ATRX: variants seen among roughly 807,000 people sequenced by gnomAD.
ATRX encodes the protein ATRX chromatin remodeler.
In ATRX, 12 loss-of-function variants were observed where a neutral mutation model predicts 172.6. The ratio of observed to expected loss-of-function variants is 0.07; its 90% CI spans 0.04 to 0.11. The LOEUF is 0.11. Among genes scored for constraint, ATRX ranks in the 10% least tolerant of loss-of-function variants. The pLI, the probability that ATRX is intolerant of heterozygous loss-of-function variation, is 1.00. For synonymous variants in ATRX, 674 were observed against 594.7 expected (o/e 1.13, Z -1.94); for missense variants, 1,368 against 1,767.4 (o/e 0.77, Z 4.05).
At chrX:77,525,272 C>T (rs1322578393) in intron 30 of ATRX, among the ~76,000 whole-genome samples, 1 of 111,882 alleles carries the variant, frequency 8.9e-6, no homozygotes, top group Non-Finnish European at 1.9e-5. Context: ...AGATCAATCT[C>T]CAAAGTCCAC....
At chrX:77,546,913 A>C (rs782032857) in intron 30 of ATRX, among the ~76,000 whole-genome samples, 1 of 112,158 alleles carries the variant, frequency 8.9e-6, no homozygotes, top group Non-Finnish European at 1.9e-5. Context: ...ACAAAAATTC[A>C]TTTGTTCACA....
intron 9 of ATRX, among the ~76,000 whole-genome samples, chrX:77,676,879 T>C (rs1262953201): frequency 3.6e-5 from 4 of 112,135 alleles, no homozygotes; most frequent in South Asian, 3.7e-4. Flanking sequence ...CCCAGCACTT[T>C]GGGAAGCCAA....
chrX:77,630,420 C>T (rs1022781531), intron 19 of ATRX, among the ~76,000 whole-genome samples: 2 of 111,877 alleles, frequency 1.8e-5, no homozygotes, highest in Non-Finnish European at 3.8e-5. Context: ...TTTCAAGGAA[C>T]CTCAAATAGC....
At chrX:77,557,392 G>C in intron 30 of ATRX, 59 bp downstream of exon 30, 2 of 1,067,415 alleles carry the variant, frequency 1.9e-6, no homozygotes, top group Non-Finnish European at 2.6e-6. Flanking sequence ...TTTGATATCA[G>C]TAGTAAAATT....
chrX:77,747,690 T>A (rs1418218370), intron 1 of ATRX, among the ~76,000 whole-genome samples: 1 of 111,558 alleles, frequency 9.0e-6, no homozygotes, highest in South Asian at 3.8e-4. Context: ...CACAATCTAA[T>A]AGTAAAGACA....
chrX:77,713,882 C>G (rs2073233715), intron 2 of ATRX, among the ~76,000 whole-genome samples: 1 of 111,668 alleles, frequency 9.0e-6, no homozygotes, highest in African/African-American at 3.3e-5. Context: ...TGACATATCA[C>G]TCCCATAACT....
chrX:77,514,247 A>G (rs1011782698), intron 34 of ATRX, among the ~76,000 whole-genome samples: 3 of 112,383 alleles, frequency 2.7e-5, no homozygotes, highest in Non-Finnish European at 5.6e-5. Context: ...CATAAACTAG[A>G]CAAAACTATT....
intron 2 of ATRX, among the ~76,000 whole-genome samples, chrX:77,716,519 C>T (rs1338281189): frequency 3.7e-5 from 4 of 107,663 alleles, no homozygotes; most frequent in Admixed American, 3.1e-4. Context: ...GGGAGGCCAA[C>T]GAGGGCAGAT....
At chrX:77,542,366 C>G (rs781884837) in intron 30 of ATRX, among the ~76,000 whole-genome samples, 21 of 111,521 alleles carry the variant, frequency 1.9e-4, no homozygotes, top group Admixed American at 4.8e-4. Context: ...TAGGAAGAAT[C>G]AATATCGTGA....
chrX:77,723,227 T>C (rs919742648), intron 1 of ATRX, among the ~76,000 whole-genome samples: 25 of 111,221 alleles, frequency 2.2e-4, no homozygotes, highest in African/African-American at 7.8e-4. Flanking sequence ...AAATACGTAA[T>C]GTAGATGACG....
chrX:77,752,502 A>G (rs2075338066), intron 1 of ATRX, among the ~76,000 whole-genome samples: 1 of 112,127 alleles, frequency 8.9e-6, no homozygotes, highest in Non-Finnish European at 1.9e-5. Context: ...TTCCAACACT[A>G]TGTTGAATAG....
At chrX:77,775,893 G>A (rs1234622999) in intron 1 of ATRX, among the ~76,000 whole-genome samples, 2 of 110,145 alleles carry the variant, frequency 1.8e-5, no homozygotes, top group East Asian at 5.7e-4. Flanking sequence ...CACCACGCCC[G>A]GCTAATTTTT....
chrX:77,621,658 G>A (rs1179626656), intron 19 of ATRX, among the ~76,000 whole-genome samples: 4 of 111,953 alleles, frequency 3.6e-5, no homozygotes, highest in African/African-American at 9.7e-5. Flanking sequence ...TTGCTTGCTG[G>A]TTAACATATA....
At chrX:77,577,630 C>A (rs1334215753) in intron 27 of ATRX, among the ~76,000 whole-genome samples, 1 of 110,625 alleles carries the variant, frequency 9.0e-6, no homozygotes, top group Admixed American at 9.6e-5. Context: ...AGAAAAAAAA[C>A]TACCTATAAG....
At chrX:77,620,697 A>T (rs1306108444) in intron 19 of ATRX, among the ~76,000 whole-genome samples, 165 bp from the exon 20 acceptor site, 2 of 111,909 alleles carry the variant, frequency 1.8e-5, no homozygotes, top group African/African-American at 6.5e-5. Flanking sequence ...GTATTTGGTT[A>T]ATACAGCACT....
chrX:77,705,699 C>T (rs2072779403), intron 2 of ATRX, among the ~76,000 whole-genome samples: 1 of 112,045 alleles, frequency 8.9e-6, no homozygotes. Context: ...CATAGTGAAA[C>T]CTCATCTCTA....
intron 1 of ATRX, among the ~76,000 whole-genome samples, chrX:77,782,975 T>C (rs1406873756): frequency 4.5e-5 from 5 of 111,177 alleles, no homozygotes; most frequent in Admixed American, 1.9e-4. Context: ...GGATCACACC[T>C]GTAATCCCAG....
At chrX:77,726,622 TA>T (rs1265136119) in intron 1 of ATRX, among the ~76,000 whole-genome samples, 2 of 110,219 alleles carry the variant, frequency 1.8e-5, no homozygotes, top group Non-Finnish European at 3.8e-5. Flanking sequence ...TAAAGTGTAA[TA>T]AAAAAAAATC....
At chrX:77,646,930 A>C in intron 15 of ATRX, among the ~76,000 whole-genome samples, 1 of 109,850 alleles carries the variant, frequency 9.1e-6, no homozygotes, top group East Asian at 2.8e-4. Flanking sequence ...GTCTTTAAAA[A>C]AAAAAAAAAA....
Sources: allele counts gnomAD v4.1 joint callset (sites outside exome capture counted in the v4.1 genomes callset), GRCh38; gene constraint gnomAD v4.1.1; transcripts MANE v1.5; gene names NCBI Gene and HGNC (gene_info 2026-07-23, HGNC 2026-07-21).